Variants in TMEM150B observed in about 807,000 individuals in gnomAD.
TMEM150B encodes transmembrane protein 150B.
TMEM150B carries 33 observed loss-of-function variants against 25.2 expected under a neutral mutation model. That is an observed-to-expected ratio of 1.31 (90% CI 0.99 to 1.75). The LOEUF (loss-of-function observed/expected upper bound fraction) is 1.75, where lower values mean the gene tolerates loss of function less well. Ranked by LOEUF, TMEM150B falls within the 40% of genes most tolerant of loss-of-function variation. The probability of loss-of-function intolerance (pLI) is 0.00; values close to 1 mark genes in which losing one functional copy is unlikely to be tolerated. For synonymous variants in TMEM150B, 133 were observed against 134.8 expected (o/e 0.99, Z 0.09); for missense variants, 322 against 306.1 (o/e 1.05, Z -0.39).
At chr19:55,324,022 G>A (rs1273291252) in intron 1 of TMEM150B, among the ~76,000 whole-genome samples, 2 of 150,050 alleles carry the variant, frequency 1.3e-5, no homozygotes, top group Non-Finnish European at 3.0e-5. Context: ...TGGCCAGGCT[G>A]GCCTCAAAAT....
rs1184133223 is a variant in TMEM150B at position 55,312,810 on chromosome 19, C to T, written c.*49G>A. On this transcript the variant is annotated 3_prime_UTR_variant, in exon 8 of 8. Transcript: ENST00000326652. ...GGGTGCGGGGCACTGGGATTGGCCCCATCTTTCCTGCTTCACTGGTGAGGG... is the reference window on the plus strand; with the variant it reads ...GGGTGCGGGGCACTGGGATTGGCCCTATCTTTCCTGCTTCACTGGTGAGGG... 1 of 1,517,448 alleles carries T rather than the reference C, an allele frequency of 6.6e-7. No homozygotes were observed. The highest frequency in any genetic ancestry group is 1.2e-5 in the South Asian group (1 of 80,036). 94.0% of individuals were successfully genotyped at this position (1,517,448 alleles called of 1,614,324 possible). A position where few individuals can be genotyped will look rare whatever the true frequency, so the allele number is the denominator to read the frequency against.
downstream of TMEM150B, chr19:55,312,136 G>A (rs2123019818): frequency 1.5e-6 from 1 of 683,916 alleles, no homozygotes; most frequent in South Asian, 2.1e-5. Flanking sequence ...CTGTGAATCT[G>A]TAAATAAGGC....
intron 7 of TMEM150B, among the ~76,000 whole-genome samples, chr19:55,313,606 C>T (rs115363895): frequency 1.3e-5 from 2 of 152,112 alleles, no homozygotes; most frequent in Non-Finnish European, 2.9e-5. Context: ...TGTGCCCCAG[C>T]AGACACTCCC....
Position 55,312,982 on chromosome 19 carries a change from GA to G in TMEM150B, c.578del (p.Phe193SerfsTer7). 6.2e-7 allele frequency: 1 copy of G among 1,613,634 alleles called. No individual in the cohort carries two copies. Among genetic ancestry groups the G allele is most frequent in the Non-Finnish European group, 8.5e-7 (1 of 1,179,832 alleles). On this transcript the variant is annotated frameshift_variant, in exon 8 of 8. Coordinates refer to ENST00000326652, the MANE Select transcript of TMEM150B (RefSeq NM_001282011.2). LOFTEE classifies it low-confidence loss of function (END_TRUNC). ...ACEWVVAMLL[F>X]ALFGLLAVDF... The stretch of plus-strand genomic sequence containing the variant: ...CAACGGCTAAGAGACCGAAGAGCGC[GA>G]ACAGCAGCATGGCCACGACCCACTC...
Position 55,320,598 on chromosome 19 carries a change from T to C in TMEM150B, c.88A>G (p.Asn30Asp), listed in dbSNP as rs1265987483. 1 of 1,613,720 alleles carries C rather than the reference T, an allele frequency of 6.2e-7. No homozygotes were observed. The highest frequency in any genetic ancestry group is 8.5e-7 in the Non-Finnish European group (1 of 1,179,936). The change falls in exon 4 of 8, where the codon AAC becomes GAC. Residue 30 changes from asparagine (N) to aspartate (D), a missense_variant. Transcript: ENST00000326652. ...VWIVFAIAVT[N>D]RTVDLSKGFP... ...CCTTTACTGAGGTCCACAGTCCTGT[T>C]GGTCACTGCAATGGCAAAACTACGG...
At position 55,320,557 on chromosome 19, in the gene TMEM150B, C is replaced by T. The variant is rs1413873905; in HGVS notation, c.128+1G>A. ...AAATCCCTACCCTCGGGCAGAATTA[C>T]CTGATGTAGGGAAAGCCTTTACTGA... On this transcript the variant is annotated splice_donor_variant, in intron 4 of 7. Coordinates refer to ENST00000326652, the MANE Select transcript of TMEM150B (RefSeq NM_001282011.2). LOFTEE classifies it high-confidence loss of function. 7.4e-6 allele frequency: 12 copies of T among 1,613,896 alleles called. No homozygotes were observed. The highest frequency in any genetic ancestry group is 9.3e-6 in the Non-Finnish European group (11 of 1,179,946).
At chr19:55,323,915 TCA>T (rs2089270847) in intron 1 of TMEM150B, among the ~76,000 whole-genome samples, 2 of 149,410 alleles carry the variant, frequency 1.3e-5, no homozygotes. Flanking sequence ...CAAGTGATTC[TCA>T]TGCCTCAGCC....
At position 55,314,094 on chromosome 19, in the gene TMEM150B, T is replaced by C. The variant is rs577605943; in HGVS notation, c.506-1039A>G. 1.1e-4 allele frequency among the ~76,000 whole-genome samples: 16 copies of C among 152,288 alleles called. No individual in the cohort carries two copies. The South Asian group carries it at 3.1e-3, about 30-fold the overall frequency. ...TGGAATGCAGTGGCGTGATCTCGGC[T>C]CACTGCAACCTCTGCCTCCCAGGTT... On this transcript the variant is annotated intron_variant, in intron 7 of 7. Transcript: ENST00000326652.
At chr19:55,318,590 C>T (rs1326217421) in intron 6 of TMEM150B, among the ~76,000 whole-genome samples, 1 of 152,026 alleles carries the variant, frequency 6.6e-6, no homozygotes, top group African/African-American at 2.4e-5. Flanking sequence ...GAGCCAAGAT[C>T]GCACTACTGC....
At position 55,319,707 on chromosome 19, in the gene TMEM150B, C is replaced by G. The variant is rs547751917; in HGVS notation, c.324+332G>C. ...TCAGGCGATCCGCCTGCCTCCGCCTCCCAAAGTGCTGGAATTACAGGCATG... is the reference window on the plus strand; with the variant it reads ...TCAGGCGATCCGCCTGCCTCCGCCTGCCAAAGTGCTGGAATTACAGGCATG... On this transcript the variant is annotated intron_variant, in intron 6 of 7. Coordinates refer to ENST00000326652, the MANE Select transcript of TMEM150B (RefSeq NM_001282011.2). The G allele has an allele frequency of 4.0e-5, 43 of 1,082,066 alleles. No homozygotes were observed. The African/African-American group carries it at 6.8e-4, about 17-fold the overall frequency. 67.0% of individuals were successfully genotyped at this position (1,082,066 alleles called of 1,614,324 possible). A position where few individuals can be genotyped will look rare whatever the true frequency, so the allele number is the denominator to read the frequency against.
chr19:55,312,798 TG>T, downstream of TMEM150B: 1 of 1,484,138 alleles, frequency 6.7e-7, no homozygotes, highest in Non-Finnish European at 9.1e-7. Flanking sequence ...TGCGGGGCAC[TG>T]GGATTGGCCC....
intron 6 of TMEM150B, among the ~76,000 whole-genome samples, chr19:55,317,241 G>GTGGTGGC (rs2089035371): frequency 6.6e-6 from 1 of 152,190 alleles, no homozygotes; most frequent in Non-Finnish European, 1.5e-5. Flanking sequence ...TTCTCAAGGC[G>GTGGTGGC]GGGGACAGAC....
At chr19:55,313,652 A>G (rs1018553847) in intron 7 of TMEM150B, among the ~76,000 whole-genome samples, 5 of 151,494 alleles carry the variant, frequency 3.3e-5, no homozygotes, top group Non-Finnish European at 7.4e-5. Context: ...CCAGCTGGTC[A>G]CCCCAAGTCT....
chr19:55,322,896 C>T (rs940692496), intron 1 of TMEM150B, among the ~76,000 whole-genome samples, 153 bp from the exon 2 acceptor site: 6 of 152,076 alleles, frequency 3.9e-5, no homozygotes, highest in African/African-American at 1.4e-4. Flanking sequence ...TTTCCTTCCT[C>T]CAGCTTTGTG....
downstream of TMEM150B, among the ~76,000 whole-genome samples, chr19:55,310,593 C>T (rs1307650299): frequency 6.6e-6 from 1 of 152,142 alleles, no homozygotes; most frequent in Non-Finnish European, 1.5e-5. This position sits in a 1 kb window ranked among gnomAD's most constrained non-coding sequence, Gnocchi z 5.0. Context: ...TTTTTCCTCC[C>T]CTCAACTGGG....
In TMEM150B at chr19:55,312,882, T is replaced by A; in HGVS notation, c.679A>T (p.Ile227Phe). ...TGCTACAGCTGGACCGGCAGGGAGATGGGGGAGGCCGGCGGGGGGCTGAGG... is the reference window on the plus strand; with the variant it reads ...TGCTACAGCTGGACCGGCAGGGAGAAGGGGGAGGCCGGCGGGGGGCTGAGG... ...PSLSPPPASP[I>F]SLPVQL The change falls in exon 8 of 8, where the codon ATC becomes TTC. Residue 227 changes from isoleucine to phenylalanine, a missense_variant. Physicochemically the swap from Ile to Phe is conservative, Grantham distance 21. Transcript: ENST00000326652. 1 of 1,597,580 alleles carries A rather than the reference T, an allele frequency of 6.3e-7. No individual in the cohort carries two copies. Among genetic ancestry groups the A allele is most frequent in the Non-Finnish European group, 8.5e-7 (1 of 1,173,286 alleles).
chr19:55,314,243 A>C (rs1403628286), intron 7 of TMEM150B, among the ~76,000 whole-genome samples: 1 of 152,040 alleles, frequency 6.6e-6, no homozygotes, highest in East Asian at 1.9e-4. Flanking sequence ...ACAGGTCTTG[A>C]ACTCCTGATC....
intron 1 of TMEM150B, chr19:55,324,788 T>A (rs1443904060): frequency 1.0e-6 from 1 of 985,486 alleles, no homozygotes; most frequent in Non-Finnish European, 1.2e-6. Context: ...GTCTTCCTCC[T>A]TTCGCTTCTT....
chr19:55,320,375 G>A lies in TMEM150B; in HGVS notation c.196+16C>T, dbSNP rs770227977. On this transcript the variant is annotated intron_variant, in intron 5 of 7. Coordinates refer to ENST00000326652, the MANE Select transcript of TMEM150B (RefSeq NM_001282011.2). Reference sequence around the variant, plus strand: ...GGGCTTGGGAGCACTGAACCAAAGGGCTGGGCAATATTTACCCAGAGCAGC... The same window carrying A: ...GGGCTTGGGAGCACTGAACCAAAGGACTGGGCAATATTTACCCAGAGCAGC... 2.0e-6 allele frequency: 3 copies of A among 1,527,502 alleles called. No individual in the cohort carries two copies. Among genetic ancestry groups the A allele is most frequent in the South Asian group, 1.3e-5 (1 of 77,328 alleles). The allele number at this position is 1,527,502 out of a possible 1,614,324, so 94.6% of individuals were successfully genotyped here.
Sources: allele counts gnomAD v4.1 joint callset (sites outside exome capture counted in the v4.1 genomes callset), GRCh38; gene constraint gnomAD v4.1.1; non-coding constraint Gnocchi (gnomAD v3.1); transcripts MANE v1.5; gene names NCBI Gene and HGNC (gene_info 2026-07-23, HGNC 2026-07-21).